KCNH8: variants seen among roughly 807,000 people sequenced by gnomAD.
The protein encoded by KCNH8 is potassium voltage-gated channel subfamily H member 8.
A neutral mutation model predicts 103.6 loss-of-function variants in KCNH8; 70 were observed. The observed-to-expected ratio is 0.68, with a 90% CI of 0.56 to 0.82. KCNH8 has a LOEUF of 0.82. KCNH8 is among the 40% of genes least tolerant of loss of function. The pLI is 0.00. For synonymous variants in KCNH8, 498 were observed against 489.4 expected, an observed-to-expected ratio of 1.02 and a Z score of -0.23; for missense variants, 1,217 against 1,329.9, an observed-to-expected ratio of 0.92 and a Z score of 1.32.
At chr3:19,308,290 A>G (rs1490389193) in intron 3 of KCNH8, among the ~76,000 whole-genome samples, 5 of 77,786 alleles carry the variant, frequency 6.4e-5, no homozygotes, top group Non-Finnish European at 1.4e-4. Context: ...TTCCCTCATT[A>G]AAAAAAAAAA....
intron 1 of KCNH8, among the ~76,000 whole-genome samples, chr3:19,200,266 G>A (rs1200995317): frequency 1.3e-5 from 2 of 151,922 alleles, no homozygotes; most frequent in Non-Finnish European, 1.5e-5. Context: ...TGCTAAATGT[G>A]GCTGAAAATG....
intron 2 of KCNH8, among the ~76,000 whole-genome samples, chr3:19,269,803 G>T (rs1237221676): frequency 6.6e-6 from 1 of 152,080 alleles, no homozygotes; most frequent in African/African-American, 2.4e-5. Flanking sequence ...GGCCATTGGT[G>T]GCCAACCCTA....
chr3:19,216,026 G>A (rs1459248355), intron 1 of KCNH8, among the ~76,000 whole-genome samples: 1 of 152,212 alleles, frequency 6.6e-6, no homozygotes, highest in Non-Finnish European at 1.5e-5. Flanking sequence ...AGAATAATGG[G>A]CATGTTTGCA....
chr3:19,499,199 G>A lies in KCNH8; in HGVS notation c.2041-11164G>A, dbSNP rs572562533. Among the ~76,000 whole-genome samples the A allele has an allele frequency of 6.6e-5, 10 of 152,266 alleles. No homozygotes were observed. The East Asian group carries it at 1.7e-3, about 26-fold the overall frequency. On this transcript the variant is annotated intron_variant, in intron 11 of 15. Coordinates refer to ENST00000328405, the MANE Select transcript of KCNH8 (RefSeq NM_144633.3). ...GGAAGAAAGGGTATCAGCGATAGAA[G>A]ATGAAATGAATGAAATGAAGCGAGA...
chr3:19,488,293 AATTCCCTTAATGGCCGCGGCC>A (rs2068252047), intron 11 of KCNH8, among the ~76,000 whole-genome samples: 1 of 151,864 alleles, frequency 6.6e-6, no homozygotes. Flanking sequence ...CTTTTGGGGG[AATTCCCTTAATGGCCGCGGCC>A]AGTAAGTTGG....
chr3:19,302,881 C>G (rs907065947), intron 3 of KCNH8, among the ~76,000 whole-genome samples: 1 of 152,164 alleles, frequency 6.6e-6, no homozygotes, highest in African/African-American at 2.4e-5. Flanking sequence ...TTTATATATT[C>G]TACCCATCAG....
chr3:19,196,319 G>T (rs1173880338), intron 1 of KCNH8, among the ~76,000 whole-genome samples: 2 of 151,984 alleles, frequency 1.3e-5, no homozygotes, highest in Non-Finnish European at 2.9e-5. Context: ...TTTAGGAGGT[G>T]AGGAGAGGAA....
At chr3:19,221,505 C>T (rs1270251859) in intron 1 of KCNH8, among the ~76,000 whole-genome samples, 5 of 152,200 alleles carry the variant, frequency 3.3e-5, no homozygotes, top group African/African-American at 1.2e-4. Context: ...TGTAATTTGT[C>T]ACTTGGGTGA....
At chr3:19,490,290 G>A (rs1400004056) in intron 11 of KCNH8, among the ~76,000 whole-genome samples, 1 of 152,212 alleles carries the variant, frequency 6.6e-6, no homozygotes, top group Non-Finnish European at 1.5e-5. Context: ...GAAGGAAAGA[G>A]CTTTATTCAA....
chr3:19,486,526 GAGAT>G (rs974956888), intron 11 of KCNH8, among the ~76,000 whole-genome samples: 4 of 152,234 alleles, frequency 2.6e-5, no homozygotes, highest in Admixed American at 2.6e-4. Context: ...GTTGTTTTGA[GAGAT>G]AGGCCACTGG....
At chr3:19,304,226 C>T (rs1042574876) in intron 3 of KCNH8, among the ~76,000 whole-genome samples, 3 of 152,120 alleles carry the variant, frequency 2.0e-5, no homozygotes, top group African/African-American at 7.2e-5. Context: ...AGACCTTGTC[C>T]ATCCACATCA....
At chr3:19,177,264 T>C (rs1042548134) in intron 1 of KCNH8, among the ~76,000 whole-genome samples, 1 of 152,022 alleles carries the variant, frequency 6.6e-6, no homozygotes, top group Non-Finnish European at 1.5e-5. Context: ...ATGTGTCAGG[T>C]AATTCAAATA....
chr3:19,159,762 A>G (rs546872868), intron 1 of KCNH8, among the ~76,000 whole-genome samples: 2 of 152,214 alleles, frequency 1.3e-5, no homozygotes, highest in South Asian at 2.1e-4. Context: ...ATCTATATCT[A>G]TATCTGTATC....
rs1473767608 is a variant in KCNH8, at chr3:19,150,266, A to G, written c.76+1471A>G. 2.0e-5 allele frequency among the ~76,000 whole-genome samples: 3 copies of G among 152,066 alleles called. No individual in the cohort carries two copies. In the East Asian group the frequency reaches 5.8e-4, roughly 29 times the overall value. The stretch of plus-strand genomic sequence containing the variant: ...CACTGAAGCGCCACACAAAATCACC[A>G]CTGCTGTGTTTTACCATGCATGATG... On this transcript the variant is annotated intron_variant, in intron 1 of 15. Transcript: ENST00000328405.
In KCNH8 at chr3:19,450,137, G is replaced by A. The variant is rs749320931; in HGVS notation, c.1407G>A (p.Val469=). 1.2e-6 allele frequency: 2 copies of A among 1,613,620 alleles called. No individual in the cohort carries two copies. Among genetic ancestry groups the A allele is most frequent in the Non-Finnish European group, 1.7e-6 (2 of 1,179,756 alleles). The change falls in exon 9 of 16, where the codon GTG becomes GTA. Residue 469 remains valine, a synonymous_variant. Coordinates refer to ENST00000328405, the MANE Select transcript of KCNH8 (RefSeq NM_144633.3). ...ALMHALVFGN[V]TAIIQRMYSR... ...TGCACGCCTTGGTGTTTGGAAACGT[G>A]ACAGCAATCATACAGAGGATGTACT...
chr3:19,415,484 A>G (rs1457038311), intron 7 of KCNH8, among the ~76,000 whole-genome samples: 1 of 151,060 alleles, frequency 6.6e-6, no homozygotes, highest in Non-Finnish European at 1.5e-5. Flanking sequence ...TTATTCTACA[A>G]TCAGCTGTTG....
intron 3 of KCNH8, 95 bp downstream of exon 3, chr3:19,281,424 C>T: frequency 8.9e-7 from 1 of 1,119,374 alleles, no homozygotes; most frequent in African/African-American, 1.6e-5. Context: ...TTTTTAATAA[C>T]AGCAACTGAT....
intron 5 of KCNH8, among the ~76,000 whole-genome samples, chr3:19,357,017 A>T (rs2065889328): frequency 1.3e-5 from 2 of 151,882 alleles, no homozygotes; most frequent in Admixed American, 1.3e-4. Context: ...AAAAAAAAGC[A>T]ATTTTTTGTA....
rs116758934 is a variant in KCNH8, at chr3:19,325,314, G to A, written c.443-17273G>A. Among the ~76,000 whole-genome samples, 722 of 152,064 alleles carry A rather than the reference G, an allele frequency of 4.7e-3. 14 individuals are homozygous for A. The highest frequency in any genetic ancestry group is 0.016 in the African/African-American group (674 of 41,498). ...GGCAAAGATTTCATGATGAAGACAC[G>A]AAAAGAAATTGCAGCAATGACAAAT... On this transcript the variant is annotated intron_variant, in intron 3 of 15. Coordinates refer to ENST00000328405, the MANE Select transcript of KCNH8 (RefSeq NM_144633.3).
Sources: gnomAD v4.1 joint callset for allele counts (sites outside exome capture counted in the v4.1 genomes callset) on GRCh38, gnomAD v4.1.1 for gene constraint, MANE v1.5 for transcripts, NCBI Gene and HGNC (gene_info 2026-07-23, HGNC 2026-07-21) for gene names.